The following BTBD16 variants were observed in gnomAD, a reference collection of about 807,000 sequenced individuals.
The protein encoded by BTBD16 is BTB/POZ domain-containing protein 16.
A neutral mutation model predicts 67.4 loss-of-function variants in BTBD16; 66 were observed. The observed-to-expected ratio is 0.98, with a 90% CI of 0.80 to 1.20. The LOEUF (loss-of-function observed/expected upper bound fraction) is 1.20. Among genes scored for constraint, BTBD16 ranks in the 50% most tolerant of loss-of-function variants. The probability of loss-of-function intolerance (pLI) is 0.00; values close to 1 mark genes in which losing one functional copy is unlikely to be tolerated. For missense variants in BTBD16, 634 were observed against 616.0 expected (o/e 1.03, Z -0.31); for synonymous variants, 242 against 236.4 (o/e 1.02, Z -0.22).
chr10:122,302,486 C>G (rs1463469890), intron 9 of BTBD16, among the ~76,000 whole-genome samples: 1 of 152,204 alleles, frequency 6.6e-6, no homozygotes, highest in Non-Finnish European at 1.5e-5. Flanking sequence ...ACCAGGGGCA[C>G]TGTATCCCTG....
chr10:122,324,284 C>T (rs2096440540), intron 10 of BTBD16, among the ~76,000 whole-genome samples: 1 of 152,170 alleles, frequency 6.6e-6, no homozygotes, highest in African/African-American at 2.4e-5. Context: ...CAGCACCTTC[C>T]CCCACCCATT....
chr10:122,336,566 C>A lies in BTBD16; in HGVS notation c.1336C>A (p.Arg446Ser). 2.5e-6 allele frequency: 4 copies of A among 1,613,128 alleles called. No individual in the cohort carries two copies. Among genetic ancestry groups the A allele is most frequent in the Non-Finnish European group, 3.4e-6 (4 of 1,179,672 alleles). ...EHNHVSLRAA[R>S]LVKYEIRAEA... ...CAACCACGTCAGCCTGCGAGCGGCACGCCTGGTGAAGTATGAGATCAGAGC... is the reference window on the plus strand; with the variant it reads ...CAACCACGTCAGCCTGCGAGCGGCAAGCCTGGTGAAGTATGAGATCAGAGC... The change falls in exon 15 of 16, where the codon CGC becomes AGC. Residue 446 changes from arginine (R) to serine (S), a missense_variant. Physicochemically the swap from Arg to Ser is moderately radical, Grantham distance 110 (BLOSUM62 -1). Coordinates refer to ENST00000260723, the MANE Select transcript of BTBD16 (RefSeq NM_144587.5).
chr10:122,291,152 T>C lies in BTBD16; in HGVS notation c.548T>C (p.Leu183Pro). Reference sequence around the variant, plus strand: ...AACTTGGAAGACCTACTGGGAGTGCTGGCTTCCGCCCACATCCTCCAGTTC... The same window carrying C: ...AACTTGGAAGACCTACTGGGAGTGCCGGCTTCCGCCCACATCCTCCAGTTC... ...EINLEDLLGV[L>P]ASAHILQFSG... Residue 183 changes from leucine (L) to proline (P), a missense_variant, in exon 7 of 16, where the codon CTG (leucine) becomes CCG (proline). Physicochemically the swap from Leu to Pro is moderately conservative, Grantham distance 98. Coordinates refer to ENST00000260723, the MANE Select transcript of BTBD16 (RefSeq NM_144587.5). 6.2e-7 allele frequency: 1 copy of C among 1,613,918 alleles called. No homozygotes were observed.
In BTBD16 at chr10:122,338,081, C is replaced by G. The variant is rs138001324; in HGVS notation, c.1517C>G (p.Ser506Cys). ...YVSFAFIFPA[S>C] Reference sequence around the variant, plus strand: ...AGTTTTGCATTCATCTTCCCAGCATCTTGACAGTTTCCAGAAGAATCTATG... The same window carrying G: ...AGTTTTGCATTCATCTTCCCAGCATGTTGACAGTTTCCAGAAGAATCTATG... The change falls in exon 16 of 16, where the codon TCT becomes TGT. Residue 506 changes from serine (S) to cysteine (C), a missense_variant. Ser to Cys is a moderately radical substitution (Grantham distance 112). Coordinates refer to ENST00000260723, the MANE Select transcript of BTBD16 (RefSeq NM_144587.5). 2 of 1,600,506 alleles carry G rather than the reference C, an allele frequency of 1.2e-6. No homozygotes were observed. Among genetic ancestry groups the G allele is most frequent in the Non-Finnish European group, 1.7e-6 (2 of 1,167,722 alleles).
Position 122,283,922 on chromosome 10 carries a change from C to T in BTBD16, c.239C>T (p.Ala80Val). Residue 80 changes from alanine (A) to valine (V), a missense_variant and splice_region_variant, in exon 4 of 16, where the codon GCA becomes GTA. Transcript: ENST00000260723. ...FKNKDIQSGE[A>V]DVILECLGFK... ...AACAAGGACATCCAAAGTGGGGAAG[C>T]AGGTGAGTTTGTGTTATCCATGGAT... The T allele has an allele frequency of 6.2e-7, 1 of 1,612,350 alleles. No individual in the cohort carries two copies. The highest frequency in any genetic ancestry group is 8.5e-7 in the Non-Finnish European group (1 of 1,178,438).
chr10:122,288,782 G>A (rs971613287), intron 5 of BTBD16, among the ~76,000 whole-genome samples: 6 of 152,204 alleles, frequency 3.9e-5, no homozygotes, highest in African/African-American at 1.4e-4. Context: ...GGAGGGACAT[G>A]TGAGAAGACC....
In BTBD16 at chr10:122,276,833, C is replaced by A; in HGVS notation, c.61C>A (p.Arg21=). 6.2e-7 allele frequency: 1 copy of A among 1,614,244 alleles called. No individual in the cohort carries two copies. Among genetic ancestry groups the A allele is most frequent in the Non-Finnish European group, 8.5e-7 (1 of 1,180,038 alleles). The change falls in exon 3 of 16, where the codon CGG becomes AGG. Residue 21 remains arginine, a synonymous_variant. Coordinates refer to ENST00000260723, the MANE Select transcript of BTBD16 (RefSeq NM_144587.5). ...ACGCCGGGTCACTGGCTCAACCAACCGGTGGCGTTTGCCCAAACAGCCTTT... is the reference window on the plus strand; with the variant it reads ...ACGCCGGGTCACTGGCTCAACCAACAGGTGGCGTTTGCCCAAACAGCCTTT... ...LERRVTGSTN[R]WRLPKQPFSG... is the part of the protein sequence containing the mutation.
At chr10:122,285,612 G>A (rs758581926) in intron 4 of BTBD16, among the ~76,000 whole-genome samples, 3 of 152,118 alleles carry the variant, frequency 2.0e-5, no homozygotes, top group Non-Finnish European at 4.4e-5. Flanking sequence ...AGTGCTACTG[G>A]CATGTAGTAG....
chr10:122,334,442 G>T (rs1314823938), intron 13 of BTBD16, among the ~76,000 whole-genome samples: 1 of 141,574 alleles, frequency 7.1e-6, no homozygotes, highest in East Asian at 2.1e-4. Context: ...TGATCGGCCC[G>T]CCTCAGCCTC....
intron 7 of BTBD16, among the ~76,000 whole-genome samples, chr10:122,295,996 C>G (rs879704540): frequency 6.6e-5 from 10 of 151,946 alleles, no homozygotes; most frequent in Non-Finnish European, 1.0e-4. Context: ...GATGGAGAAG[C>G]TACCATTGTA....
At position 122,299,074 on chromosome 10, in the gene BTBD16, C is replaced by A. The variant is rs536391759; in HGVS notation, c.731C>A (p.Thr244Lys). ...ATGAACTTGGTTCCTCTAGGGGGGA[C>A]GCAGATCCACCTCCACAAAATCCCA... is the stretch of plus-strand genomic sequence containing the variant. ...LEMNLVPLGG[T>K]QIHLHKIPQD... Residue 244 changes from threonine to lysine, a missense_variant, in exon 9 of 16, where the codon ACG (threonine) becomes AAG (lysine). By Grantham distance (78) the Thr-to-Lys change is moderately conservative. Coordinates refer to ENST00000260723, the MANE Select transcript of BTBD16 (RefSeq NM_144587.5). 6.2e-7 allele frequency: 1 copy of A among 1,613,952 alleles called. No individual in the cohort carries two copies. The highest frequency in any genetic ancestry group is 1.7e-5 in the Admixed American group (1 of 59,982).
chr10:122,337,205 T>C (rs4752686), intron 15 of BTBD16, among the ~76,000 whole-genome samples: 55,818 of 152,052 alleles, frequency 0.37, 10,685 homozygotes, highest in East Asian at 0.69. Flanking sequence ...CTGGTCCTGA[T>C]TGCACATCAG....
At position 122,316,860 on chromosome 10, in the gene BTBD16, T is replaced by C. The variant is rs1234185858; in HGVS notation, c.911+9552T>C. ...CTGGAGTGCAACGGCGCAATCTCGG[T>C]TCACCGCATCTCCGCCTCTCCGGTT... On this transcript the variant is annotated intron_variant, in intron 10 of 15. Coordinates refer to ENST00000260723, the MANE Select transcript of BTBD16 (RefSeq NM_144587.5). 4.6e-5 allele frequency among the ~76,000 whole-genome samples: 7 copies of C among 151,920 alleles called. No individual in the cohort carries two copies. The East Asian group carries it at 1.4e-3, about 29-fold the overall frequency.
At chr10:122,273,588 A>C (rs1185220389) in intron 1 of BTBD16, among the ~76,000 whole-genome samples, 1 of 152,022 alleles carries the variant, frequency 6.6e-6, no homozygotes, top group Non-Finnish European at 1.5e-5. Context: ...GGCTCTAGAA[A>C]AATTAAAAAA....
At chr10:122,313,328 G>A (rs1172578973) in intron 10 of BTBD16, among the ~76,000 whole-genome samples, 11 of 145,316 alleles carry the variant, frequency 7.6e-5, no homozygotes, top group Non-Finnish European at 1.0e-4. Context: ...GTAATGGTGC[G>A]ATCTCAGTTC....
In BTBD16 at chr10:122,329,491, A is replaced by C. The variant is rs1444826392; in HGVS notation, c.923A>C (p.Asn308Thr). Residue 308 changes from asparagine (N) to threonine (T), a missense_variant, in exon 11 of 16, where the codon AAC (asparagine) becomes ACC (threonine). Transcript: ENST00000260723. ...VMTFFKSFPE[N>T]CCFLDRDIGR... The stretch of plus-strand genomic sequence containing the variant: ...ATGCCTCTGCTAAGCTTTCCTGAGA[A>C]CTGTTGCTTTCTGGACCGGGACATA... 1 of 1,613,496 alleles carries C rather than the reference A, an allele frequency of 6.2e-7. No individual in the cohort carries two copies. Among genetic ancestry groups the C allele is most frequent in the East Asian group, 2.2e-5 (1 of 44,840 alleles).
chr10:122,281,238 TTTTGTGTGTGAGGTTGTGATGGCC>T (rs1174073503), intron 3 of BTBD16, among the ~76,000 whole-genome samples: 4 of 152,296 alleles, frequency 2.6e-5, no homozygotes, highest in South Asian at 2.1e-4. Context: ...GCAGTACTTT[TTTTGTGTGTGAGGTTGTGATGGCC>T]TTTGTGTGTG....
At chr10:122,302,258 C>T (rs2096395441) in intron 9 of BTBD16, among the ~76,000 whole-genome samples, 1 of 152,226 alleles carries the variant, frequency 6.6e-6, no homozygotes, top group Non-Finnish European at 1.5e-5. Flanking sequence ...TTCCTGACCT[C>T]CTGGGCCTCC....
chr10:122,297,830 G>T lies in BTBD16; in HGVS notation c.653G>T (p.Gly218Val), dbSNP rs1270646207. ...PSTIKKFYEA[G>V]CKYKEEQLTT... ...ACCATCAAGAAATTCTACGAGGCCG[G>T]CTGCAAGGTGAGAACAACCCAGACG... The change falls in exon 8 of 16, where the codon GGC (glycine) becomes GTC (valine). Residue 218 changes from glycine (G) to valine (V), a missense_variant. Transcript: ENST00000260723. 3.1e-6 allele frequency: 5 copies of T among 1,613,976 alleles called. No individual in the cohort carries two copies. In the African/African-American group the frequency reaches 6.7e-5, roughly 22 times the overall value.
Sources: gnomAD v4.1 joint callset for allele counts (sites outside exome capture counted in the v4.1 genomes callset) on GRCh38, gnomAD v4.1.1 for gene constraint, MANE v1.5 for transcripts, NCBI Gene and HGNC (gene_info 2026-07-23, HGNC 2026-07-21) for gene names.